The following TYROBP variants were observed in gnomAD, a reference collection of about 807,000 sequenced individuals.
The protein encoded by TYROBP is transmembrane immune signaling adaptor TYROBP.
Under a neutral mutation model 17.1 loss-of-function variants are expected in TYROBP, and 14 were observed. The observed-to-expected ratio is 0.82, with a 90% confidence interval of 0.54 to 1.28. The LOEUF (loss-of-function observed/expected upper bound fraction) is 1.28, where lower values mean the gene tolerates loss of function less well. Ranked by LOEUF, TYROBP falls within the 50% of genes most tolerant of loss-of-function variation. The pLI is 0.00. For missense variants in TYROBP, 161 were observed against 151.4 expected (o/e 1.06, Z -0.33); for synonymous variants, 73 against 67.4 (o/e 1.08, Z -0.41).
chr19:35,907,808 G>A (rs759752532), intron 1 of TYROBP, 46 bp from the exon 2 acceptor site: 2 of 1,604,312 alleles, frequency 1.2e-6, no homozygotes, highest in Non-Finnish European at 1.7e-6. Context: ...GTTATGACGG[G>A]GGTGGGGGAG....
intron 4 of TYROBP, 116 bp from the exon 5 acceptor site, chr19:35,904,750 G>A (rs989372362): frequency 2.5e-5 from 23 of 907,818 alleles, no homozygotes; most frequent in African/African-American, 1.3e-4. Context: ...AAAGAGATCC[G>A]GATTTTATTC....
Position 35,904,584 on chromosome 19 carries a change from C to T in TYROBP, c.327G>A (p.Arg109=), listed in dbSNP as rs749346621. The stretch of plus-strand genomic sequence containing the variant: ...TGATTCGGGCTCATTTGTAATACGG[C>T]CTCTGTGTGTTGAGGTCGCTGTAGA... ...SDVYSDLNTQ[R]PYYK The change falls in exon 5 of 5, where the codon AGG becomes AGA. Residue 109 remains arginine (R), a synonymous_variant. Transcript: ENST00000262629. The T allele has an allele frequency of 6.2e-6, 10 of 1,613,642 alleles. No homozygotes were observed. Among genetic ancestry groups the T allele is most frequent in the Non-Finnish European group, 8.5e-6 (10 of 1,179,896 alleles).
chr19:35,907,797 A>G, intron 1 of TYROBP, 35 bp from the exon 2 acceptor site: 1 of 1,607,992 alleles, frequency 6.2e-7, no homozygotes, highest in East Asian at 2.2e-5. Flanking sequence ...TGAGGCACAG[A>G]GTTATGACGG....
chr19:35,906,918 G>C (rs1232406634), intron 4 of TYROBP, among the ~76,000 whole-genome samples: 9 of 151,872 alleles, frequency 5.9e-5, no homozygotes, highest in Admixed American at 5.9e-4. Context: ...TAGAGACAGG[G>C]TTTCACCATG....
At position 35,908,289 on chromosome 19, in the gene TYROBP, G is replaced by T; in HGVS notation, c.-61C>A. ...CCGGTGGGATGTGGCGCAGCGTCCA[G>T]GCAAGTGAAGGAGGAAGTCTGAGGC... On this transcript the variant is annotated 5_prime_UTR_variant, in exon 1 of 5. In the 5' UTR this introduces an upstream ATG that the reference lacks. Coordinates refer to ENST00000262629, the MANE Select transcript of TYROBP (RefSeq NM_003332.4). 6.9e-7 allele frequency: 1 copy of T among 1,453,576 alleles called. No individual in the cohort carries two copies. Among genetic ancestry groups the T allele is most frequent in the Non-Finnish European group, 9.7e-7 (1 of 1,034,568 alleles). The allele number at this position is 1,453,576 out of a possible 1,614,324, so 90.0% of individuals were successfully genotyped here.
chr19:35,905,632 G>A (rs1005809781), intron 4 of TYROBP, among the ~76,000 whole-genome samples: 7 of 150,580 alleles, frequency 4.6e-5, no homozygotes, highest in African/African-American at 1.7e-4. Flanking sequence ...GGGCAACATA[G>A]TGAGAACCTA....
rs1241213959 is a variant in TYROBP at position 35,904,537 on chromosome 19, G to T, written c.*32C>A. The stretch of plus-strand genomic sequence containing the variant: ...TGGGCTTCAGGAATGGCTGGATCCA[G>T]GTATCATGTTGCTGACTGTCATGAT... On this transcript the variant is annotated 3_prime_UTR_variant, in exon 5 of 5. Transcript: ENST00000262629. 6.2e-7 allele frequency: 1 copy of T among 1,607,660 alleles called. No individual in the cohort carries two copies. Among genetic ancestry groups the T allele is most frequent in the Non-Finnish European group, 8.5e-7 (1 of 1,175,322 alleles).
chr19:35,905,915 T>G (rs964718541), intron 4 of TYROBP, among the ~76,000 whole-genome samples: 3 of 147,684 alleles, frequency 2.0e-5, no homozygotes, highest in Non-Finnish European at 3.0e-5. Context: ...ACCACACCAT[T>G]GCACTCCAGC....
chr19:35,907,647 G>A, intron 2 of TYROBP, 67 bp from the exon 3 acceptor site: 2 of 1,613,176 alleles, frequency 1.2e-6, no homozygotes, highest in Non-Finnish European at 1.7e-6. Flanking sequence ...TCAGCGGCAG[G>A]GAGGTTTGGA....
intron 4 of TYROBP, 94 bp downstream of exon 4, chr19:35,907,124 T>A: frequency 7.9e-7 from 1 of 1,272,192 alleles, no homozygotes; most frequent in African/African-American, 1.5e-5. Flanking sequence ...TTAGGCAGAG[T>A]GGCTTTGAGG....
In TYROBP at chr19:35,908,095, C is replaced by A. The variant is rs551666824; in HGVS notation, c.61+73G>T. 9.5e-6 allele frequency: 13 copies of A among 1,367,444 alleles called. No homozygotes were observed. The East Asian group carries it at 3.1e-4, about 33-fold the overall frequency. 84.7% of individuals were successfully genotyped at this position (1,367,444 alleles called of 1,614,324 possible). Reference sequence around the variant, plus strand: ...AACACCCACTTTTGGTTCTCTCGTTCCACCCCACTCCCTGCCCTGCCCCAA... The same window carrying A: ...AACACCCACTTTTGGTTCTCTCGTTACACCCCACTCCCTGCCCTGCCCCAA... On this transcript the variant is annotated intron_variant, in intron 1 of 4. Transcript: ENST00000262629.
chr19:35,907,125 G>A, intron 4 of TYROBP, 93 bp downstream of exon 4: 1 of 1,294,582 alleles, frequency 7.7e-7, no homozygotes, highest in Non-Finnish European at 1.1e-6. Flanking sequence ...TAGGCAGAGT[G>A]GCTTTGAGGT....
Position 35,907,158 on chromosome 19 carries a change from A to G in TYROBP, c.276+60T>C, listed in dbSNP as rs1248109938. 5 of 1,513,934 alleles carry G rather than the reference A, an allele frequency of 3.3e-6. No homozygotes were observed. In the South Asian group the frequency reaches 5.9e-5, roughly 18 times the overall value. 93.8% of individuals were successfully genotyped at this position (1,513,934 alleles called of 1,614,324 possible). A position where few individuals can be genotyped will look rare whatever the true frequency, so the allele number is the denominator to read the frequency against. ...GGTCCCTCTGATGGCATGAAGGAGT[A>G]TCTGGGGCAGATATCCCTGGCAGGA... On this transcript the variant is annotated intron_variant, in intron 4 of 4. Coordinates refer to ENST00000262629, the MANE Select transcript of TYROBP (RefSeq NM_003332.4).
At chr19:35,907,699 T>C (rs1266603080) in intron 2 of TYROBP, 31 bp downstream of exon 2, 6 of 1,612,042 alleles carry the variant, frequency 3.7e-6, no homozygotes, top group Non-Finnish European at 4.2e-6. Flanking sequence ...CTCTGGGAGG[T>C]AGAGAGAGGG....
intron 4 of TYROBP, 31 bp downstream of exon 4, chr19:35,907,187 A>G (rs1218527164): frequency 8.2e-6 from 13 of 1,584,914 alleles, no homozygotes; most frequent in Non-Finnish European, 1.0e-5. Flanking sequence ...GGCAGGAGTG[A>G]AATGTGAGGA....
At chr19:35,906,543 G>A (rs7260613) in intron 4 of TYROBP, among the ~76,000 whole-genome samples, 17,439 of 151,980 alleles carry the variant, frequency 0.11, 2,151 homozygotes, top group African/African-American at 0.31. Context: ...GAGATTCTAG[G>A]ACTCCTCTCT....
chr19:35,904,479 G>T lies in TYROBP; in HGVS notation c.*90C>A. On this transcript the variant is annotated 3_prime_UTR_variant, in exon 5 of 5. Coordinates refer to ENST00000262629, the MANE Select transcript of TYROBP (RefSeq NM_003332.4). ...CTCAGGGATGGCACTCTGTGGGTCTGTATCGCGGTAGGAGTTGGAATGAGG... is the reference window on the plus strand; with the variant it reads ...CTCAGGGATGGCACTCTGTGGGTCTTTATCGCGGTAGGAGTTGGAATGAGG... 1 of 1,337,044 alleles carries T rather than the reference G, an allele frequency of 7.5e-7. No individual in the cohort carries two copies. Among genetic ancestry groups the T allele is most frequent in the Non-Finnish European group, 1.1e-6 (1 of 943,582 alleles). The allele number at this position is 1,337,044 out of a possible 1,614,324, so 82.8% of individuals were successfully genotyped here.
intron 1 of TYROBP, 96 bp downstream of exon 1, chr19:35,908,072 C>A: frequency 8.9e-7 from 1 of 1,129,112 alleles, no homozygotes; most frequent in Non-Finnish European, 1.3e-6. Context: ...CCCATCCCAA[C>A]ACCCACTTTT....
Position 35,907,280 on chromosome 19 carries a change from G to A in TYROBP, c.230-16C>T, listed in dbSNP as rs778041106. The A allele has an allele frequency of 4.3e-6, 7 of 1,612,078 alleles. No individual in the cohort carries two copies. The highest frequency in any genetic ancestry group is 1.1e-5 in the South Asian group (1 of 90,788). ...CGGGTCGCTGCTGGAGGTGAGGGGT[G>A]TTGTGGGGTGCAGAGACAGGCAGAG... is the stretch of plus-strand genomic sequence containing the variant. On this transcript the variant is annotated splice_polypyrimidine_tract_variant and intron_variant, in intron 3 of 4. Coordinates refer to ENST00000262629, the MANE Select transcript of TYROBP (RefSeq NM_003332.4).
Sources: allele counts gnomAD v4.1 joint callset (sites outside exome capture counted in the v4.1 genomes callset), GRCh38; gene constraint gnomAD v4.1.1; transcripts MANE v1.5; gene names NCBI Gene and HGNC (gene_info 2026-07-23, HGNC 2026-07-21).